Variants in RABGAP1L observed in about 807,000 individuals in gnomAD.
The protein encoded by RABGAP1L is rab GTPase-activating protein 1-like.
Under a neutral mutation model 137.7 loss-of-function variants are expected in RABGAP1L, and 63 were observed. The ratio of observed to expected loss-of-function variants is 0.46; its 90% CI spans 0.37 to 0.56. The LOEUF (loss-of-function observed/expected upper bound fraction) is 0.56. RABGAP1L is among the 20% of genes least tolerant of loss of function. The pLI is 0.00. For synonymous variants in RABGAP1L, 431 were observed against 433.7 expected, an observed-to-expected ratio of 0.99 and a Z score of 0.08; for missense variants, 1,095 against 1,244.0, an observed-to-expected ratio of 0.88 and a Z score of 1.80.
intron 19 of RABGAP1L, chr1:174,945,699 A>G (rs751926586): frequency 1.3e-5 from 2 of 152,180 alleles, no homozygotes; most frequent in Non-Finnish European, 2.9e-5. Flanking sequence ...TATTTGTACA[A>G]ATCCATAAGG....
intron 19 of RABGAP1L, among the ~76,000 whole-genome samples, chr1:174,935,760 T>C (rs1452239562): frequency 1.3e-5 from 2 of 152,006 alleles, no homozygotes; most frequent in African/African-American, 4.8e-5. Context: ...GGCGGGCGGA[T>C]CACCTGAGAT....
chr1:174,362,285 T>C (rs1684216998), intron 11 of RABGAP1L, among the ~76,000 whole-genome samples: 1 of 152,198 alleles, frequency 6.6e-6, no homozygotes, highest in African/African-American at 2.4e-5. Context: ...TTATATTTCT[T>C]TGGGTATACC....
chr1:174,377,265 G>T lies in RABGAP1L; in HGVS notation c.1559+6193G>T, dbSNP rs1364304499. ...AATGAAAAAATCTCAATATTATTAA[G>T]ATTTCAGTCATTCCCAAACTAATCT... On this transcript the variant is annotated intron_variant, in intron 12 of 25. Coordinates refer to ENST00000681986, the MANE Select transcript of RABGAP1L (RefSeq NM_001366446.1). 5.9e-5 allele frequency among the ~76,000 whole-genome samples: 9 copies of T among 152,210 alleles called. No homozygotes were observed. In the East Asian group the frequency reaches 1.7e-3, roughly 29 times the overall value.
intron 13 of RABGAP1L, among the ~76,000 whole-genome samples, chr1:174,572,384 TTTTG>T (rs58333654): frequency 1.3e-5 from 2 of 151,938 alleles, no homozygotes; most frequent in African/African-American, 2.4e-5. Context: ...TAAATGTTGT[TTTTG>T]TTTGTTTGTT....
chr1:174,668,482 A>G (rs761160706), intron 14 of RABGAP1L, among the ~76,000 whole-genome samples: 3 of 152,108 alleles, frequency 2.0e-5, no homozygotes, highest in Non-Finnish European at 4.4e-5. Context: ...GTATATATAT[A>G]CACCACATTT....
chr1:174,176,741 A>AAAAAAAAAATAAAATAAAAT (rs755688394), intron 1 of RABGAP1L, among the ~76,000 whole-genome samples: 10 of 111,778 alleles, frequency 8.9e-5, no homozygotes, highest in African/African-American at 1.4e-4. Flanking sequence ...AAAAAAAAAA[A>AAAAAAAAAATAAAATAAAAT]AAAAAGGTCA....
At chr1:174,732,638 T>A (rs1682581542) in intron 17 of RABGAP1L, among the ~76,000 whole-genome samples, 1 of 152,162 alleles carries the variant, frequency 6.6e-6, no homozygotes, top group Non-Finnish European at 1.5e-5. Context: ...TATTTTTTTT[T>A]AGGATAGTAC....
chr1:174,330,034 C>T (rs1680892289), intron 11 of RABGAP1L, among the ~76,000 whole-genome samples: 1 of 151,732 alleles, frequency 6.6e-6, no homozygotes, highest in African/African-American at 2.4e-5. Context: ...TCAATATAGT[C>T]CTGGAAATTC....
intron 18 of RABGAP1L, among the ~76,000 whole-genome samples, chr1:174,766,582 G>A (rs1485898512): frequency 6.6e-6 from 1 of 152,136 alleles, no homozygotes; most frequent in East Asian, 1.9e-4. Flanking sequence ...CAGGTCCCTT[G>A]CATTTTCATA....
Position 174,439,681 on chromosome 1 carries a change from G to T in RABGAP1L, c.1710+45536G>T, listed in dbSNP as rs532213345. 7.9e-5 allele frequency among the ~76,000 whole-genome samples: 12 copies of T among 152,252 alleles called. 1 individual carries two copies. In the South Asian group the frequency reaches 2.5e-3, roughly 32 times the overall value. ...GAAATGCATTTTCTAGCTTTTTCTT[G>T]TGAAGTTTGTGTATTCTGAGCTTCA... On this transcript the variant is annotated intron_variant, in intron 13 of 25. Transcript: ENST00000681986.
At chr1:174,569,008 A>G (rs186940037) in intron 13 of RABGAP1L, among the ~76,000 whole-genome samples, 1 of 152,340 alleles carries the variant, frequency 6.6e-6, no homozygotes, top group African/African-American at 2.4e-5. Context: ...TCATGTTCAC[A>G]GTAACCTTAT....
intron 13 of RABGAP1L, among the ~76,000 whole-genome samples, chr1:174,483,435 C>T (rs1228335482): frequency 1.3e-5 from 2 of 152,292 alleles, no homozygotes; most frequent in Middle Eastern, 3.4e-3. Context: ...AGTGACTTCA[C>T]GTTTCATCCA....
intron 13 of RABGAP1L, among the ~76,000 whole-genome samples, chr1:174,557,304 C>T (rs532257099): frequency 6.6e-6 from 1 of 152,324 alleles, no homozygotes; most frequent in East Asian, 1.9e-4. Flanking sequence ...TGAGTGATAC[C>T]AGTGTGTATC....
At chr1:174,265,745 G>A (rs541389235) in intron 7 of RABGAP1L, among the ~76,000 whole-genome samples, 2 of 151,512 alleles carry the variant, frequency 1.3e-5, no homozygotes, top group African/African-American at 4.8e-5. Flanking sequence ...TCTTCTTTCT[G>A]TATGTTATTT....
At chr1:174,409,608 A>G (rs1224610614) in intron 13 of RABGAP1L, among the ~76,000 whole-genome samples, 3 of 152,178 alleles carry the variant, frequency 2.0e-5, no homozygotes, top group Non-Finnish European at 2.9e-5. Flanking sequence ...AGAGCCTATA[A>G]ATGGATGTGC....
intron 18 of RABGAP1L, among the ~76,000 whole-genome samples, chr1:174,783,707 CTTTTT>C (rs34367315): frequency 9.8e-6 from 1 of 102,476 alleles, no homozygotes. Flanking sequence ...TCTTCTTCTT[CTTTTT>C]TTTTTTTTTT....
intron 19 of RABGAP1L, among the ~76,000 whole-genome samples, chr1:174,869,403 C>G (rs1008664465): frequency 6.6e-6 from 1 of 152,102 alleles, no homozygotes; most frequent in Non-Finnish European, 1.5e-5. Flanking sequence ...TTATAAGCAT[C>G]TGGCATTTCC....
At chr1:174,610,393 T>C (rs1671122075) in intron 13 of RABGAP1L, among the ~76,000 whole-genome samples, 1 of 151,758 alleles carries the variant, frequency 6.6e-6, no homozygotes, top group Non-Finnish European at 1.5e-5. Flanking sequence ...ACTCATCATT[T>C]TTTATGGCTG....
At chr1:174,524,199 TTGTTGTTG>T (rs1284430791) in intron 13 of RABGAP1L, among the ~76,000 whole-genome samples, 5 of 151,310 alleles carry the variant, frequency 3.3e-5, no homozygotes, top group African/African-American at 1.2e-4. Context: ...GTTGTTGTTG[TTGTTGTTG>T]TTTTTTTAAG....
Sources: gnomAD v4.1 joint callset for allele counts (sites outside exome capture counted in the v4.1 genomes callset) on GRCh38, gnomAD v4.1.1 for gene constraint, MANE v1.5 for transcripts, NCBI Gene and HGNC (gene_info 2026-07-23, HGNC 2026-07-21) for gene names.